FLNB: variants seen among roughly 807,000 people sequenced by gnomAD.
The protein encoded by FLNB is filamin-B.
In FLNB, 111 loss-of-function variants were observed where a neutral mutation model predicts 250.6. That is an observed-to-expected ratio of 0.44 (90% CI 0.38 to 0.52). The LOEUF (loss-of-function observed/expected upper bound fraction) is 0.52. Among genes scored for constraint, FLNB ranks in the 20% least tolerant of loss-of-function variants. FLNB has a pLI of 0.00. For synonymous variants in FLNB, 1,302 were observed against 1,372.1 expected (o/e 0.95, Z 1.13); for missense variants, 2,869 against 3,447.8 (o/e 0.83, Z 4.20).
intron 1 of FLNB, among the ~76,000 whole-genome samples, chr3:58,010,758 A>C (rs990599588): frequency 6.6e-6 from 1 of 152,216 alleles, no homozygotes; most frequent in Admixed American, 6.5e-5. Flanking sequence ...ACCAAACCGC[A>C]GCACTAGCAA....
intron 18 of FLNB, among the ~76,000 whole-genome samples, chr3:58,118,645 C>T (rs549462979): frequency 6.6e-6 from 1 of 152,156 alleles, no homozygotes; most frequent in African/African-American, 2.4e-5. Flanking sequence ...AGAAAATGCT[C>T]ATTAAGTTGC....
rs578244438 is a variant in FLNB at position 58,153,423 on chromosome 3, G to C, written c.6416G>C (p.Arg2139Pro). 2 of 1,614,078 alleles carry C rather than the reference G, an allele frequency of 1.2e-6. No homozygotes were observed. Among genetic ancestry groups the C allele is most frequent in the Non-Finnish European group, 1.7e-6 (2 of 1,180,038 alleles). The part of the protein sequence containing the change: ...MSAHVTSPSG[R>P]VTEAEIVPMG... ...GCCCACGTCACCAGCCCCTCTGGCC[G>C]TGTGACTGAGGCAGAGATTGTGCCC... The change falls in exon 39 of 46, where the codon CGT (arginine) becomes CCT (proline). Residue 2139 changes from arginine (R) to proline (P), a missense_variant. Physicochemically the swap from Arg to Pro is moderately radical, Grantham distance 103. This residue lies in a region of FLNB where 1,084 missense variants were observed against 1,315.5 expected (regional missense o/e 0.82). Coordinates refer to ENST00000295956, the MANE Select transcript of FLNB (RefSeq NM_001457.4).
chr3:58,092,110 A>C (rs2097228836), intron 4 of FLNB, among the ~76,000 whole-genome samples: 1 of 152,244 alleles, frequency 6.6e-6, no homozygotes, highest in South Asian at 2.1e-4. Flanking sequence ...GTTTCTGCTG[A>C]AGAGAACGTC....
rs752614000 is a variant in FLNB at position 58,150,208 on chromosome 3, C to A, written c.6348C>A (p.Asp2116Glu). 6.2e-7 allele frequency: 1 copy of A among 1,614,212 alleles called. No homozygotes were observed. The part of the protein sequence containing the change: ...PSVATVGSIC[D>E]LNLKIPEINS... ...TGGCCACTGTCGGGAGCATTTGTGA[C>A]CTGAACCTGAAAATCCCAGGTGGGC... The change falls in exon 38 of 46, where the codon GAC (aspartate) becomes GAA (glutamate). Residue 2116 changes from aspartate to glutamate, a missense_variant. By Grantham distance (45) the Asp-to-Glu change is conservative. Transcript: ENST00000295956.
At chr3:58,060,769 C>CAAAAAAAAAAAAAAAAAAAAAAAAAAAA (rs71091334) in intron 1 of FLNB, among the ~76,000 whole-genome samples, 18 of 64,210 alleles carry the variant, frequency 2.8e-4, no homozygotes, top group South Asian at 8.8e-4. Context: ...GACCTTGTCT[C>CAAAAAAAAAAAAAAAAAAAAAAAAAAAA]AAAAAAAAAA....
chr3:58,144,822 C>G (rs988627557), intron 32 of FLNB, among the ~76,000 whole-genome samples: 6 of 152,220 alleles, frequency 3.9e-5, no homozygotes, highest in African/African-American at 1.4e-4. Flanking sequence ...GAAACAGAAT[C>G]TCAGCGTTGC....
Position 58,154,812 on chromosome 3 carries a change from G to A in FLNB, c.6656G>A (p.Arg2219Gln), listed in dbSNP as rs751173584. ...GVPAEFSIWT[R>Q]EAGAGGLSIA... ...TCAGCTGAGTTCAGCATTTGGACCCGGGAAGCAGGCGCTGGAGGCCTCTCC... is the reference window on the plus strand; with the variant it reads ...TCAGCTGAGTTCAGCATTTGGACCCAGGAAGCAGGCGCTGGAGGCCTCTCC... Residue 2219 changes from arginine to glutamine, a missense_variant, in exon 40 of 46, where the codon CGG (arginine) becomes CAG (glutamine). Physicochemically the swap from Arg to Gln is conservative, Grantham distance 43. This residue lies in a region of FLNB where 1,084 missense variants were observed against 1,315.5 expected (regional missense o/e 0.82). Coordinates refer to ENST00000295956, the MANE Select transcript of FLNB (RefSeq NM_001457.4). 1.2e-5 allele frequency: 19 copies of A among 1,613,930 alleles called. 1 individual carries two copies. The highest frequency in any genetic ancestry group is 2.2e-5 in the South Asian group (2 of 91,078).
rs771387705 is a variant in FLNB, at chr3:58,081,688, C to G, written c.699C>G (p.Tyr233Ter). The change falls in exon 4 of 46, where the codon TAC (tyrosine) becomes TAG (stop). Residue 233 changes from tyrosine (Y) to a stop codon, truncating the protein, a stop_gained. Coordinates refer to ENST00000295956, the MANE Select transcript of FLNB (RefSeq NM_001457.4). LOFTEE classifies it high-confidence loss of function. ...TGGACGAGCACTCAGTTATGACTTA[C>G]CTGTCCCAGTTCCCCAAAGCCAAGC... The part of the protein sequence containing the change: ...PDVDEHSVMT[Y>*]LSQFPKAKLK... 2 of 1,613,950 alleles carry G rather than the reference C, an allele frequency of 1.2e-6. No homozygotes were observed.
chr3:58,077,902 GCTGGTACACA>G (rs976564024), intron 2 of FLNB, among the ~76,000 whole-genome samples: 7 of 152,122 alleles, frequency 4.6e-5, no homozygotes, highest in African/African-American at 1.7e-4. Context: ...GGTAGAGTTT[GCTGGTACACA>G]CTCAGTAGAA....
At chr3:58,023,645 A>T (rs17058743) in intron 1 of FLNB, among the ~76,000 whole-genome samples, 35,757 of 152,106 alleles carry the variant, frequency 0.24, 4,852 homozygotes, top group East Asian at 0.49. Context: ...GGTCATACTG[A>T]TGGTTATAAC....
chr3:58,083,626 C>T (rs532835640), intron 4 of FLNB, among the ~76,000 whole-genome samples: 1 of 152,220 alleles, frequency 6.6e-6, no homozygotes, highest in African/African-American at 2.4e-5. Flanking sequence ...CTCGGCCTCC[C>T]AATCCGCTTA....
At chr3:58,150,971 G>A (rs1335896211) in intron 38 of FLNB, 1 of 152,880 alleles carries the variant, frequency 6.5e-6, no homozygotes, top group Non-Finnish European at 1.5e-5. Flanking sequence ...AACGAGTCAC[G>A]GAGCTGTCGA....
intron 17 of FLNB, 70 bp from the exon 18 acceptor site, chr3:58,112,079 G>A (rs1576738593): frequency 6.8e-7 from 1 of 1,480,466 alleles, no homozygotes. Context: ...TGTTGAACCT[G>A]TCTGACGGGT....
intron 2 of FLNB, chr3:58,078,390 A>T: frequency 6.5e-7 from 1 of 1,526,864 alleles, no homozygotes; most frequent in Non-Finnish European, 8.7e-7. Flanking sequence ...ATAGAGTAAA[A>T]AATAAAATCC....
At chr3:58,033,796 C>T (rs1463672528) in intron 1 of FLNB, among the ~76,000 whole-genome samples, 3 of 152,176 alleles carry the variant, frequency 2.0e-5, no homozygotes, top group African/African-American at 7.2e-5. Flanking sequence ...AGTAGTAGTC[C>T]ATTGTATGGA....
At chr3:58,078,602 A>C (rs2097204787) in intron 2 of FLNB, 115 bp from the exon 3 acceptor site, 1 of 1,518,038 alleles carries the variant, frequency 6.6e-7, no homozygotes, top group African/African-American at 1.4e-5. Flanking sequence ...CTCAGATTTT[A>C]GGAAAAAATC....
intron 19 of FLNB, among the ~76,000 whole-genome samples, chr3:58,120,661 G>A (rs1190606627): frequency 1.3e-5 from 2 of 152,174 alleles, no homozygotes; most frequent in East Asian, 3.8e-4. Context: ...AGGGGGAGGG[G>A]TGCCTATAAG....
chr3:58,069,125 C>T (rs1377383534), intron 1 of FLNB, among the ~76,000 whole-genome samples: 4 of 147,040 alleles, frequency 2.7e-5, no homozygotes, highest in Non-Finnish European at 4.5e-5. Context: ...CCTGGATGAC[C>T]GAGACCCTGT....
chr3:58,071,398 C>T (rs935551975), intron 1 of FLNB, among the ~76,000 whole-genome samples: 4 of 151,316 alleles, frequency 2.6e-5, no homozygotes, highest in Non-Finnish European at 5.9e-5. Flanking sequence ...TGTGCTTCAG[C>T]CACCCAAGTA....
Sources: allele counts gnomAD v4.1 joint callset (sites outside exome capture counted in the v4.1 genomes callset), GRCh38; gene constraint gnomAD v4.1.1; regional missense constraint gnomAD v4.1.1; transcripts MANE v1.5; gene names NCBI Gene and HGNC (gene_info 2026-07-23, HGNC 2026-07-21).